The following HMBOX1 variants were observed in gnomAD, a reference collection of about 807,000 sequenced individuals.
HMBOX1 encodes the protein homeobox containing 1, also known as homeobox-containing protein 1.
HMBOX1 carries 14 observed loss-of-function variants against 54.5 expected under a neutral mutation model. The ratio of observed to expected loss-of-function variants is 0.26; its 90% confidence interval spans 0.17 to 0.40. The LOEUF (loss-of-function observed/expected upper bound fraction) is 0.40. Among genes scored for constraint, HMBOX1 ranks in the 10% least tolerant of loss-of-function variants. HMBOX1 has a pLI of 1.00. For synonymous variants in HMBOX1, 160 were observed against 181.0 expected (o/e 0.88, Z 0.93); for missense variants, 332 against 514.4 (o/e 0.65, Z 3.43).
intron 2 of HMBOX1, among the ~76,000 whole-genome samples, chr8:28,969,148 G>C (rs529749018): frequency 6.6e-6 from 1 of 152,220 alleles, no homozygotes; most frequent in East Asian, 1.9e-4. Flanking sequence ...ACTCCAGCCT[G>C]GTTGACAAGA....
intron 1 of HMBOX1, among the ~76,000 whole-genome samples, chr8:28,911,523 T>C (rs1327654992): frequency 6.6e-6 from 1 of 152,028 alleles, no homozygotes; most frequent in Non-Finnish European, 1.5e-5. Context: ...GCCCTGCTAA[T>C]TTTTGTATTT....
At chr8:28,926,395 A>G (rs1453977744) in intron 1 of HMBOX1, among the ~76,000 whole-genome samples, 1 of 152,094 alleles carries the variant, frequency 6.6e-6, no homozygotes, top group African/African-American at 2.4e-5. Context: ...ATATCTTTGT[A>G]ATGTTCAAAT....
At position 28,970,040 on chromosome 8, in the gene HMBOX1, T is replaced by C. The variant is rs543051481; in HGVS notation, c.24-3T>C. 3.2e-6 allele frequency: 5 copies of C among 1,560,236 alleles called. No homozygotes were observed. The highest frequency in any genetic ancestry group is 4.4e-6 in the Non-Finnish European group (5 of 1,138,500). Reference sequence around the variant, plus strand: ...AGACTTCTTTTTATCTCTTTTTTTTTAGTTTGCTGGAAACCATGTCTCATT... The same window carrying C: ...AGACTTCTTTTTATCTCTTTTTTTTCAGTTTGCTGGAAACCATGTCTCATT... On this transcript the variant is annotated splice_region_variant and splice_polypyrimidine_tract_variant and intron_variant, in intron 2 of 9. Transcript: ENST00000287701. This position sits in a 1 kb window ranked among gnomAD's most constrained non-coding sequence, Gnocchi z 4.3.
At chr8:28,908,785 A>C (rs1452815254) in intron 1 of HMBOX1, among the ~76,000 whole-genome samples, 3 of 152,052 alleles carry the variant, frequency 2.0e-5, no homozygotes, top group Non-Finnish European at 4.4e-5. Flanking sequence ...CCTGGGTTAT[A>C]TAGAAGGACT....
In HMBOX1 at chr8:28,970,655, T is replaced by C. The variant is rs1586177279; in HGVS notation, c.500+136T>C. On this transcript the variant is annotated intron_variant, in intron 3 of 9. Transcript: ENST00000287701. This position sits in a 1 kb window ranked among gnomAD's most constrained non-coding sequence, Gnocchi z 4.3. ...AGCTATAAGAACTGTAACTTCCTCC[T>C]CCCACCTTTGGAGATGAAAGAAAGA... 1.7e-6 allele frequency: 1 copy of C among 581,262 alleles called. No individual in the cohort carries two copies. Among genetic ancestry groups the C allele is most frequent in the African/African-American group, 1.8e-5 (1 of 54,152 alleles). The allele number at this position is 581,262 out of a possible 1,614,324, so 36.0% of individuals were successfully genotyped here. A position where few individuals can be genotyped will look rare whatever the true frequency, so the allele number is the denominator to read the frequency against.
intron 4 of HMBOX1, among the ~76,000 whole-genome samples, chr8:28,996,187 A>G (rs1241833167): frequency 6.6e-6 from 1 of 151,988 alleles, no homozygotes; most frequent in Non-Finnish European, 1.5e-5. Flanking sequence ...AGTTCTTTAT[A>G]TAGGTTTATA....
chr8:29,018,312 A>G (rs1313061512), intron 5 of HMBOX1, among the ~76,000 whole-genome samples: 1 of 152,120 alleles, frequency 6.6e-6, no homozygotes, highest in Non-Finnish European at 1.5e-5. Context: ...AATTATAGAT[A>G]TTTTTCATTG....
At position 28,970,584 on chromosome 8, in the gene HMBOX1, T is replaced by C. The variant is rs1827213551; in HGVS notation, c.500+65T>C. On this transcript the variant is annotated intron_variant, in intron 3 of 9. Transcript: ENST00000287701. This position sits in a 1 kb window ranked among gnomAD's most constrained non-coding sequence, Gnocchi z 4.3. The stretch of plus-strand genomic sequence containing the variant: ...GTATTCTTAGATTGTTTTTAAGTAG[T>C]ATGCTGCGTTTCAGCTACTTAGCTA... The C allele has an allele frequency of 9.8e-7, 1 of 1,022,778 alleles. No individual in the cohort carries two copies. The highest frequency in any genetic ancestry group is 1.4e-6 in the Non-Finnish European group (1 of 697,446). The allele number at this position is 1,022,778 out of a possible 1,614,324, so 63.4% of individuals were successfully genotyped here.
intron 4 of HMBOX1, 107 bp downstream of exon 4, chr8:28,980,263 A>C: frequency 1.2e-6 from 1 of 818,586 alleles, no homozygotes; most frequent in African/African-American, 1.7e-5. Context: ...AGATCTGTCA[A>C]CTTAGGCATA....
At chr8:28,895,214 A>G (rs1811873901) in intron 1 of HMBOX1, among the ~76,000 whole-genome samples, 2 of 152,198 alleles carry the variant, frequency 1.3e-5, no homozygotes, top group Non-Finnish European at 2.9e-5. Flanking sequence ...TGGTGTATTG[A>G]AAATATTAGT....
chr8:28,953,513 T>C (rs879874995), intron 1 of HMBOX1, among the ~76,000 whole-genome samples: 2 of 152,228 alleles, frequency 1.3e-5, no homozygotes, highest in Non-Finnish European at 2.9e-5. Flanking sequence ...TGTGTAGCTG[T>C]AATTAAATAG....
At chr8:29,031,058 CCTT>C (rs887942157) in intron 6 of HMBOX1, among the ~76,000 whole-genome samples, 5 of 152,200 alleles carry the variant, frequency 3.3e-5, no homozygotes, top group African/African-American at 1.2e-4. Flanking sequence ...GAAGAAATCA[CCTT>C]CTTTTATTTT....
intron 5 of HMBOX1, among the ~76,000 whole-genome samples, chr8:29,015,923 T>C (rs1227834336): frequency 6.6e-6 from 1 of 152,198 alleles, no homozygotes; most frequent in Non-Finnish European, 1.5e-5. Context: ...AAATAGGCAG[T>C]GGGTATAATT....
At chr8:29,006,429 T>TA (rs542640975) in intron 4 of HMBOX1, among the ~76,000 whole-genome samples, 152 of 152,238 alleles carry the variant, frequency 1.0e-3, no homozygotes, top group African/African-American at 3.2e-3. Flanking sequence ...ATATGCCTAG[T>TA]AAAAAAATGC....
At chr8:28,908,019 G>C (rs926984009) in intron 1 of HMBOX1, among the ~76,000 whole-genome samples, 1 of 151,908 alleles carries the variant, frequency 6.6e-6, no homozygotes, top group African/African-American at 2.4e-5. Context: ...TGTATGGCTA[G>C]TTTTTGTATT....
chr8:28,985,958 T>C (rs982039962), intron 4 of HMBOX1, among the ~76,000 whole-genome samples: 2 of 151,942 alleles, frequency 1.3e-5, no homozygotes, highest in Non-Finnish European at 2.9e-5. Context: ...CCAAAGTTCA[T>C]AGTTTATATT....
intron 1 of HMBOX1, among the ~76,000 whole-genome samples, chr8:28,939,028 G>A (rs1264145631): frequency 6.6e-6 from 1 of 152,102 alleles, no homozygotes; most frequent in Non-Finnish European, 1.5e-5. Context: ...GGTGGCTCAC[G>A]CCTGTAATCC....
chr8:28,973,820 T>TTTTTTTTTTTG (rs1827909214), intron 3 of HMBOX1, among the ~76,000 whole-genome samples: 2 of 132,932 alleles, frequency 1.5e-5, no homozygotes, highest in African/African-American at 6.0e-5. Flanking sequence ...TTTTTTTTTT[T>TTTTTTTTTTTG]TTTTTTTTTT....
At chr8:28,938,643 T>C (rs937425710) in intron 1 of HMBOX1, among the ~76,000 whole-genome samples, 1 of 151,630 alleles carries the variant, frequency 6.6e-6, no homozygotes, top group South Asian at 2.1e-4. Flanking sequence ...AGACAGGGTC[T>C]CGCTATGTTG....
Sources: allele counts gnomAD v4.1 joint callset (sites outside exome capture counted in the v4.1 genomes callset), GRCh38; gene constraint gnomAD v4.1.1; non-coding constraint Gnocchi (gnomAD v3.1); transcripts MANE v1.5; gene names NCBI Gene and HGNC (gene_info 2026-07-23, HGNC 2026-07-21).